The following DDX59 variants were observed in gnomAD, a reference collection of about 807,000 sequenced individuals.
The protein encoded by DDX59 is DEAD-box helicase 59.
In DDX59, 30 loss-of-function variants were observed where a neutral mutation model predicts 51.9. The ratio of observed to expected loss-of-function variants is 0.58; its 90% CI spans 0.43 to 0.78. The LOEUF (loss-of-function observed/expected upper bound fraction) is 0.78. Ranked by LOEUF, DDX59 falls within the 30% of genes least tolerant of loss-of-function variation. The pLI, the probability that DDX59 is intolerant of heterozygous loss-of-function variation, is 0.00. For synonymous variants in DDX59, 255 were observed against 253.3 expected (o/e 1.01, Z -0.06); for missense variants, 672 against 730.8 (o/e 0.92, Z 0.93).
rs141196498 is a variant in DDX59 at position 200,669,895 on chromosome 1, T to TGCGGTGCGGA, written c.-141_-140insTCCGCACCGC. The TGCGGTGCGGA allele has an allele frequency of 8.2e-6, 1 of 122,182 alleles. No homozygotes were observed. Among genetic ancestry groups the TGCGGTGCGGA allele is most frequent in the African/African-American group, 2.7e-5 (1 of 37,258 alleles). 7.6% of individuals were successfully genotyped at this position (122,182 alleles called of 1,614,324 possible). A position where few individuals can be genotyped will look rare whatever the true frequency, so the allele number is the denominator to read the frequency against. The stretch of plus-strand genomic sequence containing the variant: ...CAGGACTGCGGCCCGGGGTTGGTGG[T>TGCGGTGCGGA]GCGGAGCGGAGCGGAGCGGAGCGTA... On this transcript the variant is annotated 5_prime_UTR_variant, in exon 1 of 8. Coordinates refer to ENST00000331314, the MANE Select transcript of DDX59 (RefSeq NM_001031725.6).
downstream of DDX59, among the ~76,000 whole-genome samples, chr1:200,642,754 G>C (rs1271350626): frequency 1.3e-5 from 2 of 152,160 alleles, no homozygotes; most frequent in Non-Finnish European, 2.9e-5. Context: ...ATGCAACTGC[G>C]CTTAACTCTC....
intron 7 of DDX59, among the ~76,000 whole-genome samples, chr1:200,644,840 G>C (rs1421170819): frequency 7.1e-6 from 1 of 140,368 alleles, no homozygotes; most frequent in Non-Finnish European, 1.5e-5. Flanking sequence ...AGCTTGCAAT[G>C]AGCTGAGATC....
chr1:200,663,298 C>T (rs908598618), intron 3 of DDX59, among the ~76,000 whole-genome samples: 1 of 152,192 alleles, frequency 6.6e-6, no homozygotes, highest in Admixed American at 6.5e-5. Flanking sequence ...GATTGGTCAG[C>T]ATCTGTGCCA....
At chr1:200,655,693 C>A (rs4915449) in intron 4 of DDX59, among the ~76,000 whole-genome samples, 133,711 of 152,236 alleles carry the variant, frequency 0.88, 59,262 homozygotes, top group Middle Eastern at 0.97. Context: ...CTAGTTTTCT[C>A]AATCTTTTTC....
At chr1:200,647,695 G>C (rs758613004) in intron 7 of DDX59, among the ~76,000 whole-genome samples, 8 of 151,780 alleles carry the variant, frequency 5.3e-5, no homozygotes, top group Non-Finnish European at 1.2e-4. Context: ...AAGCAGGCCA[G>C]GCGTGGTGGC....
At chr1:200,654,602 A>G (rs1661895622) in intron 4 of DDX59, 1 of 152,138 alleles carries the variant, frequency 6.6e-6, no homozygotes, top group South Asian at 2.1e-4. Flanking sequence ...AAATTTAAAA[A>G]TCTATGCACA....
chr1:200,648,287 T>C (rs1571611970), intron 7 of DDX59, 152 bp downstream of exon 7: 1 of 999,890 alleles, frequency 1.0e-6, no homozygotes, highest in African/African-American at 1.6e-5. Context: ...TTTCGAGTGA[T>C]CTGCCCGCGA....
chr1:200,658,740 T>C (rs528062237), intron 4 of DDX59, among the ~76,000 whole-genome samples: 2 of 152,232 alleles, frequency 1.3e-5, no homozygotes, highest in Admixed American at 6.5e-5. Context: ...AAACAAATAA[T>C]AGTAAGCATC....
chr1:200,644,949 C>T (rs1661207452), intron 7 of DDX59, among the ~76,000 whole-genome samples: 1 of 145,794 alleles, frequency 6.9e-6, no homozygotes, highest in Admixed American at 6.9e-5. Flanking sequence ...TTCATCCAGA[C>T]AGCATTTTTT....
rs370930172 is a variant in DDX59, at chr1:200,646,601, A to T, written c.1596+1838T>A. Among the ~76,000 whole-genome samples the T allele has an allele frequency of 3.3e-5, 5 of 152,334 alleles. No homozygotes were observed. In the East Asian group the frequency reaches 7.7e-4, roughly 24 times the overall value. On this transcript the variant is annotated intron_variant, in intron 7 of 7. Transcript: ENST00000331314. The stretch of plus-strand genomic sequence containing the variant: ...CACTAGCATAGCTATAATAAAAAAG[A>T]TAAGTGTTGATGAGGATGTGGGGAA...
At chr1:200,648,061 T>A (rs1359735881) in intron 7 of DDX59, among the ~76,000 whole-genome samples, 2 of 142,218 alleles carry the variant, frequency 1.4e-5, no homozygotes, top group Admixed American at 1.4e-4. Flanking sequence ...GAAGTCTCTG[T>A]CACCCAGGCT....
At chr1:200,663,786 T>G in intron 3 of DDX59, 133 bp downstream of exon 3, 1 of 776,908 alleles carries the variant, frequency 1.3e-6, no homozygotes, top group Non-Finnish European at 1.8e-6. Flanking sequence ...AAAAAAAACC[T>G]AAGGCTTACT....
At chr1:200,641,199 C>T (rs1571597811), downstream of DDX59, 10 of 1,304,608 alleles carry the variant, frequency 7.7e-6, no homozygotes, top group East Asian at 5.0e-4. Context: ...TATAACAAGG[C>T]AATAAGAGAT....
At chr1:200,667,561 T>G (rs1571660627) in intron 1 of DDX59, among the ~76,000 whole-genome samples, 1 of 152,382 alleles carries the variant, frequency 6.6e-6, no homozygotes, top group Non-Finnish European at 1.5e-5. Context: ...ACACATGGTC[T>G]ATTTCCGTTT....
In DDX59 at chr1:200,666,330, T is replaced by C. The variant is rs1662740516; in HGVS notation, c.411A>G (p.Leu137=). Residue 137 remains leucine (L), a synonymous_variant, in exon 2 of 8, where the codon CTA becomes CTG. Transcript: ENST00000331314. The stretch of plus-strand genomic sequence containing the variant: ...ATTTCTCTTCCTTTTCCTTAACTTG[T>C]AGAAGATGTTTCGCTTTACACTCCA... The part of the protein sequence containing the change: ...CSLECKAKHL[L]QVKEKEEKSK... The C allele has an allele frequency of 1.9e-6, 3 of 1,614,238 alleles. No individual in the cohort carries two copies. Among genetic ancestry groups the C allele is most frequent in the African/African-American group, 1.3e-5 (1 of 75,054 alleles).
At chr1:200,666,784 T>A (rs1662793625) in intron 1 of DDX59, 33 bp from the exon 2 acceptor site, 2 of 1,556,744 alleles carry the variant, frequency 1.3e-6, no homozygotes, top group East Asian at 2.2e-5. Context: ...AGATTTATTG[T>A]ACCATTAATA....
Position 200,644,212 on chromosome 1 carries a change from G to T in DDX59, c.*42C>A, listed in dbSNP as rs763943908. On this transcript the variant is annotated 3_prime_UTR_variant, in exon 8 of 8. Coordinates refer to ENST00000331314, the MANE Select transcript of DDX59 (RefSeq NM_001031725.6). Reference sequence around the variant, plus strand: ...TTTATGCAAACCATAATTTTTTGCTGACTATATACAATAAAAAAAAATATT... The same window carrying T: ...TTTATGCAAACCATAATTTTTTGCTTACTATATACAATAAAAAAAAATATT... 1.4e-6 allele frequency: 2 copies of T among 1,386,144 alleles called. No individual in the cohort carries two copies. Among genetic ancestry groups the T allele is most frequent in the South Asian group, 2.1e-5 (1 of 48,496 alleles). 85.9% of individuals were successfully genotyped at this position (1,386,144 alleles called of 1,614,324 possible). A position where few individuals can be genotyped will look rare whatever the true frequency, so the allele number is the denominator to read the frequency against.
chr1:200,656,909 G>C (rs1662060643), intron 4 of DDX59, among the ~76,000 whole-genome samples: 1 of 151,930 alleles, frequency 6.6e-6, no homozygotes, highest in African/African-American at 2.4e-5. Flanking sequence ...TAAAAACAAA[G>C]AGAGAAATGA....
intron 4 of DDX59, among the ~76,000 whole-genome samples, chr1:200,658,422 T>C (rs1173336231): frequency 6.6e-6 from 1 of 151,848 alleles, no homozygotes; most frequent in African/African-American, 2.4e-5. Flanking sequence ...CCTCTGGGCA[T>C]GGTGGTTCAT....
Sources: gnomAD v4.1 joint callset for allele counts (sites outside exome capture counted in the v4.1 genomes callset) on GRCh38, gnomAD v4.1.1 for gene constraint, MANE v1.5 for transcripts, NCBI Gene and HGNC (gene_info 2026-07-23, HGNC 2026-07-21) for gene names.